Variants in PCSK9 observed in about 807,000 individuals in gnomAD.
PCSK9 encodes the protein convertase subtilisin/kexin type 9 preproprotein.
In PCSK9, 57 loss-of-function variants were observed where a neutral mutation model predicts 62.1. The observed-to-expected ratio is 0.92, with a 90% CI of 0.74 to 1.14. The LOEUF is 1.14. Among genes scored for constraint, PCSK9 ranks in the 50% most tolerant of loss-of-function variants. The pLI is 0.00. For synonymous variants in PCSK9, 387 were observed against 409.4 expected (o/e 0.95, Z 0.66); for missense variants, 870 against 959.8 (o/e 0.91, Z 1.24).
At position 55,040,111 on chromosome 1, in the gene PCSK9, C is replaced by A; in HGVS notation, c.207+67C>A. ...GGGACGGTGCGGTGCTGTTTCCTCT[C>A]GGGCCTCAGTTTCCCCCCATGTAAG... On this transcript the variant is annotated intron_variant, in intron 1 of 11. Coordinates refer to ENST00000302118, the MANE Select transcript of PCSK9 (RefSeq NM_174936.4). This position sits in a 1 kb window ranked among gnomAD's most constrained non-coding sequence, Gnocchi z 4.1. 6.6e-7 allele frequency: 1 copy of A among 1,518,670 alleles called. No individual in the cohort carries two copies. Among genetic ancestry groups the A allele is most frequent in the South Asian group, 1.2e-5 (1 of 82,892 alleles). 94.1% of individuals were successfully genotyped at this position (1,518,670 alleles called of 1,614,324 possible). A position where few individuals can be genotyped will look rare whatever the true frequency, so the allele number is the denominator to read the frequency against.
intron 1 of PCSK9, among the ~76,000 whole-genome samples, chr1:55,042,537 A>T (rs1644604662): frequency 6.6e-6 from 1 of 152,142 alleles, no homozygotes. Context: ...CTTTGGGTAA[A>T]GGGGGTGGAC....
Position 55,050,965 on chromosome 1 carries a change from CA to C in PCSK9, c.524-1312del, listed in dbSNP as rs545041872. ...GAGAAAGGCAGAGGGAGATTTGACA[CA>C]CACAGGAGGGGCCACGTGGAGACAG... On this transcript the variant is annotated intron_variant, in intron 3 of 11. Coordinates refer to ENST00000302118, the MANE Select transcript of PCSK9 (RefSeq NM_174936.4). The C allele has an allele frequency of 2.1e-3, 761 of 361,710 alleles. 6 individuals carry two copies. The highest frequency in any genetic ancestry group is 0.015 in the African/African-American group (696 of 46,786). 22.4% of individuals were successfully genotyped at this position (361,710 alleles called of 1,614,324 possible).
chr1:55,053,982 T>C (rs890766789), intron 5 of PCSK9, among the ~76,000 whole-genome samples: 1 of 152,156 alleles, frequency 6.6e-6, no homozygotes, highest in African/African-American at 2.4e-5. Context: ...GGGCAGGGGC[T>C]CAACAGTCAC....
rs1233468960 is a variant in PCSK9 at position 55,058,572 on chromosome 1, C to T, written c.1428C>T (p.Arg476=). 1 of 1,612,014 alleles carries T rather than the reference C, an allele frequency of 6.2e-7. No individual in the cohort carries two copies. The highest frequency in any genetic ancestry group is 1.3e-5 in the African/African-American group (1 of 74,868). The change falls in exon 9 of 12, where the codon CGC becomes CGT. Residue 476 remains arginine, a synonymous_variant. Transcript: ENST00000302118. ...CACGGATGGCCACAGCCGTCGCCCG[C>T]TGCGCCCCAGATGAGGAGCTGCTGA... ...GPTRMATAVA[R]CAPDEELLSC...
chr1:55,057,479 A>C lies in PCSK9; in HGVS notation c.1145A>C (p.Gln382Pro). The change falls in exon 7 of 12, where the codon CAG becomes CCG. Residue 382 changes from glutamine (Q) to proline (P), a missense_variant. Transcript: ENST00000302118. The part of the protein sequence containing the change: ...SSDCSTCFVS[Q>P]SGTSQAAAHV... Reference sequence around the variant, plus strand: ...GACTGCAGCACCTGCTTTGTGTCACAGAGTGGGACATCACAGGCTGCTGCC... The same window carrying C: ...GACTGCAGCACCTGCTTTGTGTCACCGAGTGGGACATCACAGGCTGCTGCC... 1 of 1,613,800 alleles carries C rather than the reference A, an allele frequency of 6.2e-7. No homozygotes were observed. The highest frequency in any genetic ancestry group is 8.5e-7 in the Non-Finnish European group (1 of 1,179,998).
At chr1:55,058,422 C>G (rs1644732732) in intron 8 of PCSK9, 77 bp from the exon 9 acceptor site, 1 of 1,600,072 alleles carries the variant, frequency 6.2e-7, no homozygotes, top group Admixed American at 1.7e-5. Flanking sequence ...CCTCCTCTCT[C>G]CTACCATGAA....
At chr1:55,049,387 TGA>T (rs1644657796) in intron 3 of PCSK9, among the ~76,000 whole-genome samples, 1 of 152,350 alleles carries the variant, frequency 6.6e-6, no homozygotes, top group South Asian at 2.1e-4. Flanking sequence ...GGCTGCCTGG[TGA>T]GAGGGAATGA....
Position 55,039,566 on chromosome 1 carries a change from A to G in PCSK9, c.-272A>G, listed in dbSNP as rs868581235. ...TTTCCGCAGCGACGTCGAGGCGCTCATGGTTGCAGGCGGGCGCCGCCGTTC... is the reference window on the plus strand; with the variant it reads ...TTTCCGCAGCGACGTCGAGGCGCTCGTGGTTGCAGGCGGGCGCCGCCGTTC... On this transcript the variant is annotated 5_prime_UTR_variant, in exon 1 of 12. It removes an upstream start codon present in the reference 5' UTR. Coordinates refer to ENST00000302118, the MANE Select transcript of PCSK9 (RefSeq NM_174936.4). 1.1e-5 allele frequency: 6 copies of G among 565,360 alleles called. No homozygotes were observed. The highest frequency in any genetic ancestry group is 3.1e-5 in the Admixed American group (1 of 32,298). The allele number at this position is 565,360 out of a possible 1,614,324, so 35.0% of individuals were successfully genotyped here.
At position 55,043,902 on chromosome 1, in the gene PCSK9, G is replaced by A. The variant is rs373551845; in HGVS notation, c.267G>A (p.Ser89=). The A allele has an allele frequency of 2.3e-5, 37 of 1,614,184 alleles. No individual in the cohort carries two copies. The African/African-American group carries it at 2.4e-4, about 10-fold the overall frequency. ...TGCTGAAGGAGGAGACCCACCTCTCGCAGTCAGAGCGCACTGCCCGCCGCC... is the reference window on the plus strand; with the variant it reads ...TGCTGAAGGAGGAGACCCACCTCTCACAGTCAGAGCGCACTGCCCGCCGCC... ...VVVLKEETHL[S]QSERTARRLQ... The change falls in exon 2 of 12, where the codon TCG becomes TCA. Residue 89 remains serine, a synonymous_variant. Coordinates refer to ENST00000302118, the MANE Select transcript of PCSK9 (RefSeq NM_174936.4).
rs765191013 is a variant in PCSK9, at chr1:55,046,639, G to GC, written c.522dup (p.Asp175ArgfsTer18). The GC allele has an allele frequency of 1.2e-6, 2 of 1,613,830 alleles. No homozygotes were observed. The stretch of plus-strand genomic sequence containing the variant: ...CACGGTACCGGGCGGATGAATACCA[G>GC]CCCCCCGGTAAGACCCCCATCTGTG... On this transcript the variant is annotated frameshift_variant, in exon 3 of 12. Coordinates refer to ENST00000302118, the MANE Select transcript of PCSK9 (RefSeq NM_174936.4). LOFTEE classifies it high-confidence loss of function.
In PCSK9 at chr1:55,064,591, C is replaced by T. The variant is rs1267710162; in HGVS notation, c.*1007C>T. The T allele has an allele frequency of 6.6e-6, 1 of 152,174 alleles. No homozygotes were observed. The highest frequency in any genetic ancestry group is 1.5e-5 in the Non-Finnish European group (1 of 68,042). 9.4% of individuals were successfully genotyped at this position (152,174 alleles called of 1,614,324 possible). A position where few individuals can be genotyped will look rare whatever the true frequency, so the allele number is the denominator to read the frequency against. ...GCATGGAACTTTTTCCGTTATCACCCAGGCCTGATTCACTGGCCTGGCGGA... is the reference window on the plus strand; with the variant it reads ...GCATGGAACTTTTTCCGTTATCACCTAGGCCTGATTCACTGGCCTGGCGGA... On this transcript the variant is annotated 3_prime_UTR_variant, in exon 12 of 12. Coordinates refer to ENST00000302118, the MANE Select transcript of PCSK9 (RefSeq NM_174936.4).
In PCSK9 at chr1:55,056,129, C is replaced by T. The variant is rs752401519; in HGVS notation, c.936C>T (p.Val312=). 12 of 1,569,202 alleles carry T rather than the reference C, an allele frequency of 7.6e-6. No individual in the cohort carries two copies. The South Asian group carries it at 1.0e-4, about 14-fold the overall frequency. Residue 312 remains valine, a synonymous_variant, in exon 6 of 12, where the codon GTC becomes GTT. Coordinates refer to ENST00000302118, the MANE Select transcript of PCSK9 (RefSeq NM_174936.4). ...TGGCGAGGGCTGGGGTCGTGCTGGT[C>T]ACCGCTGCCGGCAACTTCCGGGACG... The part of the protein sequence containing the change: ...QRLARAGVVL[V]TAAGNFRDDA...
In PCSK9 at chr1:55,063,589, C is replaced by T. The variant is rs1442996382; in HGVS notation, c.*5C>T. ...GCCTCCCAGGAGCTCCAGTGACAGC[C>T]CCATCCCAGGATGGGTGTCTGGGGA... On this transcript the variant is annotated 3_prime_UTR_variant, in exon 12 of 12. Coordinates refer to ENST00000302118, the MANE Select transcript of PCSK9 (RefSeq NM_174936.4). 1.9e-6 allele frequency: 3 copies of T among 1,610,934 alleles called. No individual in the cohort carries two copies. Among genetic ancestry groups the T allele is most frequent in the Non-Finnish European group, 2.5e-6 (3 of 1,179,450 alleles).
At chr1:55,061,686 G>A in intron 11 of PCSK9, 130 bp downstream of exon 11, 2 of 1,199,758 alleles carry the variant, frequency 1.7e-6, no homozygotes, top group Non-Finnish European at 2.4e-6. Flanking sequence ...GATGCTGTGG[G>A]CAGCTTCCGC....
chr1:55,058,606 A>G lies in PCSK9; in HGVS notation c.1462A>G (p.Ser488Gly). The G allele has an allele frequency of 6.2e-7, 1 of 1,611,588 alleles. No homozygotes were observed. Among genetic ancestry groups the G allele is most frequent in the Non-Finnish European group, 8.5e-7 (1 of 1,179,958 alleles). Residue 488 changes from serine (S) to glycine (G), a missense_variant, in exon 9 of 12, where the codon AGT (serine) becomes GGT (glycine). By Grantham distance (56) the Ser-to-Gly change is moderately conservative. Transcript: ENST00000302118. ...APDEELLSCS[S>G]FSRSGKRRGE... Reference sequence around the variant, plus strand: ...AGATGAGGAGCTGCTGAGCTGCTCCAGTTTCTCCAGGAGTGGGAAGCGGCG... The same window carrying G: ...AGATGAGGAGCTGCTGAGCTGCTCCGGTTTCTCCAGGAGTGGGAAGCGGCG...
At chr1:55,055,002 C>G (rs1356783301) in intron 5 of PCSK9, among the ~76,000 whole-genome samples, 1 of 110,218 alleles carries the variant, frequency 9.1e-6, no homozygotes, top group African/African-American at 2.8e-5. Flanking sequence ...GAGACTCCGT[C>G]TGGAAAGAAA....
At position 55,046,582 on chromosome 1, in the gene PCSK9, C is replaced by T. The variant is rs1644636376; in HGVS notation, c.459C>T (p.Ser153=). The T allele has an allele frequency of 6.2e-7, 1 of 1,614,076 alleles. No homozygotes were observed. The highest frequency in any genetic ancestry group is 1.7e-5 in the Admixed American group (1 of 60,002). The change falls in exon 3 of 12, where the codon AGC becomes AGT. Residue 153 remains serine (S), a synonymous_variant. Coordinates refer to ENST00000302118, the MANE Select transcript of PCSK9 (RefSeq NM_174936.4). ...AGGACTCCTCTGTCTTTGCCCAGAG[C>T]ATCCCGTGGAACCTGGAGCGGATTA... The part of the protein sequence containing the change: ...IEEDSSVFAQ[S]IPWNLERITP...
At position 55,056,028 on chromosome 1, in the gene PCSK9, C is replaced by A. The variant is rs72646509; in HGVS notation, c.835C>A (p.Pro279Thr). Reference protein sequence around the residue: ...EFIRKSQLVQPVGPLVVLLPL... With the variant: ...EFIRKSQLVQTVGPLVVLLPL... Reference sequence around the variant, plus strand: ...TATTCGGAAAAGCCAGCTGGTCCAGCCTGTGGGGCCACTGGTGGTGCTGCT... The same window carrying A: ...TATTCGGAAAAGCCAGCTGGTCCAGACTGTGGGGCCACTGGTGGTGCTGCT... The change falls in exon 6 of 12, where the codon CCT becomes ACT. Residue 279 changes from proline to threonine, a missense_variant. Coordinates refer to ENST00000302118, the MANE Select transcript of PCSK9 (RefSeq NM_174936.4). 2.4e-4 allele frequency: 382 copies of A among 1,610,234 alleles called. 2 individuals are homozygous for A. In the African/African-American group the frequency reaches 3.9e-3, roughly 17 times the overall value.
intron 1 of PCSK9, 126 bp from the exon 2 acceptor site, chr1:55,043,717 C>G: frequency 1.7e-6 from 2 of 1,179,292 alleles, no homozygotes; most frequent in Non-Finnish European, 2.4e-6. Flanking sequence ...TTGGTAACTT[C>G]TTTATCATCT....
Sources: allele counts gnomAD v4.1 joint callset (sites outside exome capture counted in the v4.1 genomes callset), GRCh38; gene constraint gnomAD v4.1.1; non-coding constraint Gnocchi (gnomAD v3.1); transcripts MANE v1.5; gene names NCBI Gene and HGNC (gene_info 2026-07-23, HGNC 2026-07-21).